The following NSRP1 variants were observed in gnomAD, a reference collection of about 807,000 sequenced individuals.
NSRP1 encodes nuclear speckle splicing regulatory protein 1.
Under a neutral mutation model 54.7 loss-of-function variants are expected in NSRP1, and 24 were observed. The ratio of observed to expected loss-of-function variants is 0.44; its 90% CI spans 0.32 to 0.62. NSRP1 has a LOEUF of 0.62. Ranked by LOEUF, NSRP1 falls within the 20% of genes least tolerant of loss-of-function variation. The pLI is 0.06. For synonymous variants in NSRP1, 210 were observed against 213.8 expected, an observed-to-expected ratio of 0.98 and a Z score of 0.15; for missense variants, 596 against 651.2, an observed-to-expected ratio of 0.92 and a Z score of 0.92.
chr17:30,153,141 T>A (rs1347453104), intron 2 of NSRP1, among the ~76,000 whole-genome samples: 2 of 152,106 alleles, frequency 1.3e-5, no homozygotes, highest in Non-Finnish European at 2.9e-5. Context: ...GGTCTCAAAC[T>A]CCTGGCATCA....
chr17:30,136,216 A>G (rs1347225699), intron 2 of NSRP1, among the ~76,000 whole-genome samples: 1 of 152,166 alleles, frequency 6.6e-6, no homozygotes, highest in African/African-American at 2.4e-5. Context: ...ATTGAGAACT[A>G]CCAGTCTGGG....
chr17:30,139,888 G>A (rs375756524), intron 2 of NSRP1, among the ~76,000 whole-genome samples: 2 of 152,190 alleles, frequency 1.3e-5, no homozygotes, highest in South Asian at 4.1e-4. Context: ...GCTGGGCGTG[G>A]TGGCAGCCAC....
At chr17:30,146,952 A>G (rs2071861313) in intron 2 of NSRP1, among the ~76,000 whole-genome samples, 1 of 151,782 alleles carries the variant, frequency 6.6e-6, no homozygotes, top group Non-Finnish European at 1.5e-5. Flanking sequence ...TAGTCCTTAT[A>G]CCTCTTTTTC....
At chr17:30,122,618 G>C (rs1321667785) in intron 2 of NSRP1, 1 of 151,038 alleles carries the variant, frequency 6.6e-6, no homozygotes, top group Non-Finnish European at 1.5e-5. Context: ...TGGCCAGCCT[G>C]TTCTTGAACT....
Position 30,185,000 on chromosome 17 carries a change from C to A in NSRP1, c.1003C>A (p.Arg335Ser). ...AGACCAAGAGAACCATTACACTGAC[C>A]GTGATTACCGGAAAGAAAGGGATTC... Reference protein sequence around the residue: ...SRDQENHYTDRDYRKERDSHR... With the variant: ...SRDQENHYTDSDYRKERDSHR... The change falls in exon 7 of 7, where the codon CGT becomes AGT. Residue 335 changes from arginine to serine, a missense_variant. Transcript: ENST00000247026. 6.2e-7 allele frequency: 1 copy of A among 1,613,966 alleles called. No homozygotes were observed. The highest frequency in any genetic ancestry group is 8.5e-7 in the Non-Finnish European group (1 of 1,180,004).
intron 2 of NSRP1, among the ~76,000 whole-genome samples, chr17:30,140,933 ACCT>A (rs2071799496): frequency 6.6e-6 from 1 of 151,736 alleles, no homozygotes; most frequent in Admixed American, 6.6e-5. Flanking sequence ...TCCCACCTCA[ACCT>A]CCTAAGTAGC....
At chr17:30,143,892 G>A (rs916848558) in intron 2 of NSRP1, among the ~76,000 whole-genome samples, 1 of 152,070 alleles carries the variant, frequency 6.6e-6, no homozygotes, top group African/African-American at 2.4e-5. Flanking sequence ...TCTCCATGAT[G>A]TGCTTATTTC....
chr17:30,117,563 C>T (rs934562258), intron 1 of NSRP1: 3 of 392,602 alleles, frequency 7.6e-6, no homozygotes, highest in Non-Finnish European at 1.4e-5. Flanking sequence ...TGCGAACTTG[C>T]CCCATGGCTA....
At chr17:30,117,483 G>C (rs1034521416) in intron 1 of NSRP1, 4 of 422,944 alleles carry the variant, frequency 9.5e-6, no homozygotes, top group Admixed American at 3.9e-5. Flanking sequence ...AGAAACTAAA[G>C]GAGTTGGATC....
At chr17:30,165,117 A>T (rs1479274586) in intron 2 of NSRP1, among the ~76,000 whole-genome samples, 2 of 152,356 alleles carry the variant, frequency 1.3e-5, no homozygotes, top group East Asian at 3.9e-4. Flanking sequence ...TGCATAATTC[A>T]ATTTATTTAA....
chr17:30,135,559 C>T (rs2151883826), intron 2 of NSRP1, among the ~76,000 whole-genome samples: 1 of 151,790 alleles, frequency 6.6e-6, no homozygotes, highest in Non-Finnish European at 1.5e-5. Context: ...CTGCAAGCTT[C>T]ACCTCCCGGG....
intron 2 of NSRP1, among the ~76,000 whole-genome samples, chr17:30,145,744 C>T (rs73276844): frequency 0.016 from 2,406 of 151,690 alleles, 67 homozygotes; most frequent in African/African-American, 0.054. Context: ...ATAGTGGATA[C>T]ATTTTTTCCT....
At chr17:30,181,781 T>C (rs1005105076) in intron 6 of NSRP1, among the ~76,000 whole-genome samples, 1 of 152,094 alleles carries the variant, frequency 6.6e-6, no homozygotes, top group African/African-American at 2.4e-5. Context: ...GGCTAATCTT[T>C]GTATTTTTAG....
At chr17:30,135,073 A>G (rs1429806725) in intron 2 of NSRP1, among the ~76,000 whole-genome samples, 1 of 152,130 alleles carries the variant, frequency 6.6e-6, no homozygotes, top group Non-Finnish European at 1.5e-5. Context: ...GAGGAAATTC[A>G]GAAATTTGTG....
At chr17:30,119,027 C>T (rs887788019) in intron 2 of NSRP1, among the ~76,000 whole-genome samples, 23 of 152,032 alleles carry the variant, frequency 1.5e-4, no homozygotes, top group African/African-American at 5.3e-4. Context: ...GGATTACAGG[C>T]GTAAGCCACC....
chr17:30,154,901 G>A (rs961255271), intron 2 of NSRP1, among the ~76,000 whole-genome samples: 1 of 152,148 alleles, frequency 6.6e-6, no homozygotes, highest in African/African-American at 2.4e-5. Context: ...ATTTGGGATT[G>A]TTGGATTAGG....
chr17:30,161,348 T>C (rs1368195922), intron 2 of NSRP1, among the ~76,000 whole-genome samples: 4 of 152,200 alleles, frequency 2.6e-5, no homozygotes, highest in African/African-American at 4.8e-5. Context: ...CTATATATGC[T>C]TGTGTTCATT....
chr17:30,152,903 C>CTTTTTTTT (rs60246615), intron 2 of NSRP1, among the ~76,000 whole-genome samples: 5 of 46,918 alleles, frequency 1.1e-4, no homozygotes, highest in Admixed American at 4.2e-4. Context: ...TTATTTTCAG[C>CTTTTTTTT]TTTTTTTTTT....
chr17:30,131,345 G>C (rs1479674829), intron 2 of NSRP1, among the ~76,000 whole-genome samples: 2 of 150,882 alleles, frequency 1.3e-5, no homozygotes, highest in Non-Finnish European at 2.9e-5. Context: ...AGTTTGACAG[G>C]GAAGAGAGAG....
Sources: gnomAD v4.1 joint callset for allele counts (sites outside exome capture counted in the v4.1 genomes callset) on GRCh38, gnomAD v4.1.1 for gene constraint, MANE v1.5 for transcripts, NCBI Gene and HGNC (gene_info 2026-07-23, HGNC 2026-07-21) for gene names.